The following EXOC6B variants were observed in gnomAD, a reference collection of about 807,000 sequenced individuals.
EXOC6B encodes SEC15 homolog B.
EXOC6B carries 54 observed loss-of-function variants against 113.5 expected under a neutral mutation model. That is an observed-to-expected ratio of 0.48 (90% CI 0.38 to 0.60). The LOEUF (loss-of-function observed/expected upper bound fraction) is 0.60. Ranked by LOEUF, EXOC6B falls within the 20% of genes least tolerant of loss-of-function variation. EXOC6B has a pLI of 0.00. For missense variants in EXOC6B, 797 were observed against 977.5 expected, an observed-to-expected ratio of 0.82 and a Z score of 2.46; for synonymous variants, 357 against 339.0, an observed-to-expected ratio of 1.05 and a Z score of -0.58.
chr2:72,215,422 CACA>C (rs1417619526), intron 20 of EXOC6B, among the ~76,000 whole-genome samples: 2 of 152,186 alleles, frequency 1.3e-5, no homozygotes, highest in Non-Finnish European at 2.9e-5. Context: ...CCTTATTTCA[CACA>C]ACGCTTATTA....
intron 8 of EXOC6B, among the ~76,000 whole-genome samples, chr2:72,547,294 G>A (rs1483126698): frequency 6.6e-6 from 1 of 152,170 alleles, no homozygotes; most frequent in East Asian, 1.9e-4. Context: ...AATACTGGGG[G>A]ATTGCTAAAA....
intron 20 of EXOC6B, among the ~76,000 whole-genome samples, chr2:72,261,456 T>A (rs938721683): frequency 1.3e-5 from 2 of 152,188 alleles, no homozygotes; most frequent in Non-Finnish European, 2.9e-5. Context: ...ATTTACAAAA[T>A]CACAGACTTT....
At chr2:72,350,293 T>C (rs1309928605) in intron 19 of EXOC6B, among the ~76,000 whole-genome samples, 1 of 152,236 alleles carries the variant, frequency 6.6e-6, no homozygotes, top group Non-Finnish European at 1.5e-5. Context: ...CTATATTTTC[T>C]AGTTTTCCTT....
intron 18 of EXOC6B, among the ~76,000 whole-genome samples, chr2:72,410,462 C>A (rs1573059666): frequency 6.6e-6 from 1 of 152,144 alleles, no homozygotes; most frequent in Admixed American, 6.5e-5. Flanking sequence ...AGGTTAGTAT[C>A]AAGTAAGCAA....
chr2:72,700,934 C>G (rs903486994), intron 6 of EXOC6B, among the ~76,000 whole-genome samples: 1 of 149,932 alleles, frequency 6.7e-6, no homozygotes, highest in Non-Finnish European at 1.5e-5. Context: ...CTGGGCGACT[C>G]TGTCTCAAAA....
intron 18 of EXOC6B, among the ~76,000 whole-genome samples, chr2:72,405,572 T>C (rs752667986): frequency 3.3e-5 from 5 of 152,200 alleles, no homozygotes; most frequent in African/African-American, 9.7e-5. Flanking sequence ...AAAAGAATTT[T>C]CAACCAAGAA....
intron 6 of EXOC6B, among the ~76,000 whole-genome samples, chr2:72,685,712 AT>A (rs1189635338): frequency 4.6e-5 from 7 of 152,212 alleles, no homozygotes; most frequent in African/African-American, 1.7e-4. Context: ...CATGGGACAG[AT>A]TTATGGAATA....
intron 6 of EXOC6B, among the ~76,000 whole-genome samples, chr2:72,593,096 T>C (rs1202671761): frequency 2.6e-5 from 4 of 152,118 alleles, no homozygotes; most frequent in Admixed American, 6.6e-5. Flanking sequence ...GCTTCCAAGA[T>C]GGGGAACACA....
At chr2:72,653,757 T>TA (rs1476872396) in intron 6 of EXOC6B, among the ~76,000 whole-genome samples, 1 of 151,862 alleles carries the variant, frequency 6.6e-6, no homozygotes, top group Non-Finnish European at 1.5e-5. Context: ...AACTAACTTC[T>TA]AAGTAAAGGC....
chr2:72,262,696 T>A (rs1182259113), intron 20 of EXOC6B, among the ~76,000 whole-genome samples: 1 of 151,484 alleles, frequency 6.6e-6, no homozygotes, highest in Non-Finnish European at 1.5e-5. Flanking sequence ...CAAAACAGCA[T>A]TCTGGTTTCA....
intron 20 of EXOC6B, among the ~76,000 whole-genome samples, chr2:72,328,956 G>A (rs897467460): frequency 6.6e-6 from 1 of 151,962 alleles, no homozygotes; most frequent in African/African-American, 2.4e-5. Flanking sequence ...TCTGACTATG[G>A]TATAGATGGC....
At chr2:72,321,555 G>C (rs541386469) in intron 20 of EXOC6B, among the ~76,000 whole-genome samples, 179 of 144,156 alleles carry the variant, frequency 1.2e-3, no homozygotes, top group African/African-American at 3.9e-3. Context: ...AAAAAAAAAT[G>C]GAGTACTAAC....
chr2:72,370,059 T>A (rs1445646008), intron 19 of EXOC6B, among the ~76,000 whole-genome samples: 1 of 152,066 alleles, frequency 6.6e-6, no homozygotes, highest in Non-Finnish European at 1.5e-5. Flanking sequence ...GGAACTAACA[T>A]CAGAGTGAAC....
At chr2:72,666,780 G>GACACACACAC (rs71404724) in intron 6 of EXOC6B, among the ~76,000 whole-genome samples, 50 of 81,158 alleles carry the variant, frequency 6.2e-4, no homozygotes, top group African/African-American at 1.4e-3. Flanking sequence ...ATTTACAATA[G>GACACACACAC]ACACACACAC....
At chr2:72,243,153 G>C (rs1314244125) in intron 20 of EXOC6B, among the ~76,000 whole-genome samples, 1 of 152,046 alleles carries the variant, frequency 6.6e-6, no homozygotes, top group East Asian at 1.9e-4. Flanking sequence ...AGCATGAATG[G>C]GGAGGCCTCA....
At chr2:72,428,284 T>C (rs1558657526) in intron 18 of EXOC6B, among the ~76,000 whole-genome samples, 1 of 152,208 alleles carries the variant, frequency 6.6e-6, no homozygotes, top group Non-Finnish European at 1.5e-5. Context: ...ACAAGAGCTG[T>C]GGCCCTTGGG....
chr2:72,390,071 C>T (rs1038604190), intron 18 of EXOC6B, among the ~76,000 whole-genome samples: 2 of 152,044 alleles, frequency 1.3e-5, no homozygotes, highest in Admixed American at 6.6e-5. Flanking sequence ...GGTGACAGAG[C>T]GAGACTCTGT....
intron 20 of EXOC6B, among the ~76,000 whole-genome samples, chr2:72,318,014 C>G (rs1441822577): frequency 6.6e-6 from 1 of 152,062 alleles, no homozygotes; most frequent in Admixed American, 6.6e-5. Context: ...TTAACACGGT[C>G]CAGAAAATAG....
At position 72,362,076 on chromosome 2, in the gene EXOC6B, T is replaced by A. The variant is rs548875695; in HGVS notation, c.2122+17653A>T. ...AGAGTGAGGGTTATTATGGTAAGAA[T>A]GGTGATATGGAAGGCTTTAGAAGCC... On this transcript the variant is annotated intron_variant, in intron 19 of 21. Transcript: ENST00000272427. 7.9e-5 allele frequency among the ~76,000 whole-genome samples: 12 copies of A among 152,274 alleles called. No individual in the cohort carries two copies. The East Asian group carries it at 9.6e-4, about 12-fold the overall frequency.
Sources: gnomAD v4.1 joint callset for allele counts (sites outside exome capture counted in the v4.1 genomes callset) on GRCh38, gnomAD v4.1.1 for gene constraint, MANE v1.5 for transcripts, NCBI Gene and HGNC (gene_info 2026-07-23, HGNC 2026-07-21) for gene names.